Variants in SH3RF1 observed in about 807,000 individuals in gnomAD.
The protein encoded by SH3RF1 is E3 ubiquitin-protein ligase SH3RF1.
Under a neutral mutation model 74.0 loss-of-function variants are expected in SH3RF1, and 32 were observed. The observed-to-expected ratio is 0.43, with a 90% confidence interval of 0.33 to 0.58. The LOEUF is 0.58. Ranked by LOEUF, SH3RF1 falls within the 20% of genes least tolerant of loss-of-function variation. The pLI, the probability that SH3RF1 is intolerant of heterozygous loss-of-function variation, is 0.05. For synonymous variants in SH3RF1, 396 were observed against 439.6 expected, an observed-to-expected ratio of 0.90 and a Z score of 1.24; for missense variants, 954 against 1,130.9, an observed-to-expected ratio of 0.84 and a Z score of 2.24.
At chr4:169,111,033 C>T (rs1006457677) in intron 10 of SH3RF1, among the ~76,000 whole-genome samples, 4 of 151,878 alleles carry the variant, frequency 2.6e-5, no homozygotes, top group South Asian at 4.2e-4. Flanking sequence ...TCAGACCAGG[C>T]GCAGTGGCTC....
chr4:169,148,908 C>T (rs1439530797), intron 4 of SH3RF1, among the ~76,000 whole-genome samples: 2 of 152,148 alleles, frequency 1.3e-5, no homozygotes, highest in African/African-American at 4.8e-5. Context: ...TATCAGTAAA[C>T]TTAACTAGGG....
At chr4:169,215,540 G>A (rs1000451325) in intron 2 of SH3RF1, among the ~76,000 whole-genome samples, 3 of 152,122 alleles carry the variant, frequency 2.0e-5, no homozygotes, top group Non-Finnish European at 4.4e-5. Flanking sequence ...TTCCTTCAGT[G>A]TTTGGTAGAA....
intron 2 of SH3RF1, among the ~76,000 whole-genome samples, chr4:169,268,476 G>C (rs113566500): frequency 0.01 from 1,541 of 152,150 alleles, 33 homozygotes; most frequent in African/African-American, 0.035. Flanking sequence ...TTATGACTCT[G>C]AGCCCCATCA....
intron 4 of SH3RF1, among the ~76,000 whole-genome samples, chr4:169,145,752 C>T (rs1384056098): frequency 7.0e-6 from 1 of 143,426 alleles, no homozygotes; most frequent in Non-Finnish European, 1.5e-5. Flanking sequence ...GGTCTAAAAA[C>T]TATATAAAAT....
At chr4:169,243,067 C>A (rs1003078700) in intron 2 of SH3RF1, among the ~76,000 whole-genome samples, 3 of 152,174 alleles carry the variant, frequency 2.0e-5, no homozygotes, top group Non-Finnish European at 2.9e-5. Flanking sequence ...TCTTCAAACC[C>A]CTTCTCCCAA....
chr4:169,240,021 C>CA (rs978928092), intron 2 of SH3RF1, among the ~76,000 whole-genome samples: 24 of 150,946 alleles, frequency 1.6e-4, no homozygotes, highest in African/African-American at 5.6e-4. Context: ...GAGACTGCCT[C>CA]AAAAAAAACA....
intron 4 of SH3RF1, among the ~76,000 whole-genome samples, chr4:169,142,529 C>G (rs1733804017): frequency 6.6e-6 from 1 of 152,172 alleles, no homozygotes; most frequent in Non-Finnish European, 1.5e-5. Flanking sequence ...ATATGCCCAT[C>G]TGGTTTTGCA....
Position 169,269,100 on chromosome 4 carries a change from A to G in SH3RF1, c.113T>C (p.Leu38Pro). 6.2e-7 allele frequency: 1 copy of G among 1,614,220 alleles called. No individual in the cohort carries two copies. Among genetic ancestry groups the G allele is most frequent in the Non-Finnish European group, 8.5e-7 (1 of 1,180,036 alleles). ...CQHTFCKRCLLGIVGSRNELR... is the reference protein window; with the variant it reads ...CQHTFCKRCLPGIVGSRNELR... The stretch of plus-strand genomic sequence containing the variant: ...TTCATTTCGAGAACCTACGATCCCC[A>G]GCAAACATCGCTTGCAAAACGTATG... The change falls in exon 2 of 12, where the codon CTG becomes CCG. Residue 38 changes from leucine (L) to proline (P), a missense_variant. Coordinates refer to ENST00000284637, the MANE Select transcript of SH3RF1 (RefSeq NM_020870.4).
At chr4:169,216,592 G>A (rs67896455) in intron 2 of SH3RF1, among the ~76,000 whole-genome samples, 1 of 152,054 alleles carries the variant, frequency 6.6e-6, no homozygotes, top group Non-Finnish European at 1.5e-5. Flanking sequence ...TATAGTCCGA[G>A]AACTATGGGA....
intron 9 of SH3RF1, among the ~76,000 whole-genome samples, chr4:169,117,190 T>C (rs75034734): frequency 1.3e-5 from 2 of 151,512 alleles, no homozygotes; most frequent in African/African-American, 4.9e-5. Flanking sequence ...AGCACACCCG[T>C]TAGTAGAGTA....
chr4:169,175,357 T>C (rs774381948), intron 2 of SH3RF1, among the ~76,000 whole-genome samples: 16 of 152,168 alleles, frequency 1.1e-4, no homozygotes, highest in Non-Finnish European at 2.4e-4. Flanking sequence ...CAAGGCTTTC[T>C]ATCATCTGGT....
At chr4:169,250,740 C>T (rs7680166) in intron 2 of SH3RF1, among the ~76,000 whole-genome samples, 144,102 of 152,136 alleles carry the variant, frequency 0.95, 68,740 homozygotes, top group East Asian at 1. Flanking sequence ...TGATTTTAGA[C>T]AGACATAAGT....
At chr4:169,193,984 C>A (rs569549435) in intron 2 of SH3RF1, among the ~76,000 whole-genome samples, 70 of 152,188 alleles carry the variant, frequency 4.6e-4, no homozygotes, top group Non-Finnish European at 8.8e-4. Context: ...AGGATAGAGT[C>A]TTTTTTTCAT....
At chr4:169,203,625 C>A (rs747367743) in intron 2 of SH3RF1, among the ~76,000 whole-genome samples, 5 of 151,744 alleles carry the variant, frequency 3.3e-5, no homozygotes, top group Admixed American at 1.3e-4. Context: ...GAATTTCCTT[C>A]TGTAAGTGTA....
intron 2 of SH3RF1, among the ~76,000 whole-genome samples, chr4:169,212,346 G>A (rs1386068170): frequency 2.6e-5 from 4 of 152,000 alleles, no homozygotes; most frequent in South Asian, 2.1e-4. Flanking sequence ...TTACAGGCGT[G>A]AGCCACCGCG....
chr4:169,236,962 A>T (rs1431956418), intron 2 of SH3RF1, among the ~76,000 whole-genome samples: 1 of 152,192 alleles, frequency 6.6e-6, no homozygotes, highest in Non-Finnish European at 1.5e-5. Flanking sequence ...TATTTAACTG[A>T]CCCAACTTTT....
In SH3RF1 at chr4:169,123,848, C is replaced by T. The variant is rs559629361; in HGVS notation, c.1180-1582G>A. ...CGGAGCTTGCAGTGAGCCAAGATTG[C>T]GCCACTGCACTCCAACCTGGGTGAC... On this transcript the variant is annotated intron_variant, in intron 6 of 11. Transcript: ENST00000284637. Among the ~76,000 whole-genome samples the T allele has an allele frequency of 5.3e-5, 8 of 151,740 alleles. No individual in the cohort carries two copies. In the South Asian group the frequency reaches 1.5e-3, roughly 28 times the overall value.
chr4:169,097,862 G>C (rs144502162), intron 11 of SH3RF1, among the ~76,000 whole-genome samples: 4 of 152,162 alleles, frequency 2.6e-5, no homozygotes, highest in Non-Finnish European at 5.9e-5. Context: ...CTCTTGGATC[G>C]GTCACTCAGG....
intron 11 of SH3RF1, among the ~76,000 whole-genome samples, chr4:169,097,848 C>T (rs1295395106): frequency 2.0e-5 from 3 of 152,220 alleles, no homozygotes; most frequent in African/African-American, 4.8e-5. Flanking sequence ...TTCCACTTTA[C>T]TTTCTCTTGG....
Sources: gnomAD v4.1 joint callset for allele counts (sites outside exome capture counted in the v4.1 genomes callset) on GRCh38, gnomAD v4.1.1 for gene constraint, MANE v1.5 for transcripts, NCBI Gene and HGNC (gene_info 2026-07-23, HGNC 2026-07-21) for gene names.